Variants in ZFYVE28 observed in about 807,000 individuals in gnomAD.
The protein encoded by ZFYVE28 is zinc finger FYVE-type containing 28, also known as lateral signaling target protein 2 homolog.
ZFYVE28 carries 40 observed loss-of-function variants against 82.1 expected under a neutral mutation model. That is an observed-to-expected ratio of 0.49 (90% CI 0.38 to 0.63). The LOEUF (loss-of-function observed/expected upper bound fraction) is 0.63. Among genes scored for constraint, ZFYVE28 ranks in the 30% least tolerant of loss-of-function variants. ZFYVE28 has a pLI of 0.00. For synonymous variants in ZFYVE28, 612 were observed against 546.1 expected, an observed-to-expected ratio of 1.12 and a Z score of -1.68; for missense variants, 1,321 against 1,242.1, an observed-to-expected ratio of 1.06 and a Z score of -0.96.
chr4:2,304,475 T>C lies in ZFYVE28; in HGVS notation c.1865A>G (p.Asn622Ser), dbSNP rs1213612501. The C allele has an allele frequency of 6.2e-7, 1 of 1,613,334 alleles. No individual in the cohort carries two copies. The highest frequency in any genetic ancestry group is 1.1e-5 in the South Asian group (1 of 91,074). The change falls in exon 8 of 13, where the codon AAC becomes AGC. Residue 622 changes from asparagine (N) to serine (S), a missense_variant. This residue lies in a region of ZFYVE28 where 978 missense variants were observed against 833.7 expected (regional missense o/e 1.17). Transcript: ENST00000290974. ...AGTGGGGGCTTTGGGCTCCCGCCCG[T>C]TGGAGGCATCTTCTGAGGGTGGGGG... Reference protein sequence around the residue: ...EAPPPSEDASNGREPKAPTSD... With the variant: ...EAPPPSEDASSGREPKAPTSD...
chr4:2,342,706 T>C lies in ZFYVE28; in HGVS notation c.181-1091A>G, dbSNP rs1722996423. 2.0e-5 allele frequency: 3 copies of C among 152,378 alleles called. 1 individual carries two copies. In the Middle Eastern group the frequency reaches 0.01, roughly 518 times the overall value. 9.4% of individuals were successfully genotyped at this position (152,378 alleles called of 1,614,324 possible). A position where few individuals can be genotyped will look rare whatever the true frequency, so the allele number is the denominator to read the frequency against. Reference sequence around the variant, plus strand: ...TACATCTTAAATTGCATTCCATCCTTTTCTGTAAATTTGTCCTATTCTTTA... The same window carrying C: ...TACATCTTAAATTGCATTCCATCCTCTTCTGTAAATTTGTCCTATTCTTTA... On this transcript the variant is annotated intron_variant, in intron 2 of 12. Transcript: ENST00000290974.
chr4:2,315,355 T>C (rs1385151406), intron 7 of ZFYVE28, among the ~76,000 whole-genome samples: 1 of 152,140 alleles, frequency 6.6e-6, no homozygotes, highest in Non-Finnish European at 1.5e-5. Context: ...GCGTGATCTC[T>C]GCTCACTGCA....
At chr4:2,313,551 C>T (rs994126663) in intron 7 of ZFYVE28, among the ~76,000 whole-genome samples, 4 of 152,158 alleles carry the variant, frequency 2.6e-5, no homozygotes, top group African/African-American at 7.2e-5. Flanking sequence ...AACCACTGCA[C>T]TCAGCCTCCA....
chr4:2,367,401 C>G (rs547584038), intron 1 of ZFYVE28, among the ~76,000 whole-genome samples: 3 of 152,368 alleles, frequency 2.0e-5, no homozygotes, highest in Non-Finnish European at 4.4e-5. Context: ...GCCTCAGGCT[C>G]TGCCTGGCTG....
intron 1 of ZFYVE28, among the ~76,000 whole-genome samples, chr4:2,384,242 G>A (rs966646933): frequency 6.6e-6 from 1 of 152,336 alleles, no homozygotes; most frequent in South Asian, 2.1e-4. Flanking sequence ...CTGCACTGCT[G>A]ACAGAAGAAA....
intron 7 of ZFYVE28, among the ~76,000 whole-genome samples, chr4:2,316,988 ACTT>A (rs1718316477): frequency 1.1e-5 from 1 of 87,222 alleles, no homozygotes; most frequent in Non-Finnish European, 2.2e-5. Context: ...TGTTTCTTTA[ACTT>A]TTTTTTTTTT....
In ZFYVE28 at chr4:2,335,762, A is replaced by G; in HGVS notation, c.644T>C (p.Met215Thr). The G allele has an allele frequency of 1.3e-6, 2 of 1,570,814 alleles. No homozygotes were observed. Among genetic ancestry groups the G allele is most frequent in the Non-Finnish European group, 1.7e-6 (2 of 1,157,874 alleles). ...GAGGGCCGGCTCGTAGTCATCAATC[A>G]TGTCCTGAGTCAGGTACCCGAAGTC... Reference protein sequence around the residue: ...ALDFGYLTQDMIDDYEPALMF... With the variant: ...ALDFGYLTQDTIDDYEPALMF... The change falls in exon 6 of 13, where the codon ATG becomes ACG. Residue 215 changes from methionine (M) to threonine (T), a missense_variant. By Grantham distance (81) the Met-to-Thr change is moderately conservative (BLOSUM62 -1). Transcript: ENST00000290974. The surrounding 1 kb of genome is among the most constrained non-coding windows in gnomAD (Gnocchi z 5.8).
At chr4:2,385,985 G>A (rs1729218925) in intron 1 of ZFYVE28, among the ~76,000 whole-genome samples, 1 of 152,206 alleles carries the variant, frequency 6.6e-6, no homozygotes, top group Non-Finnish European at 1.5e-5. Flanking sequence ...GGCAGAGCCA[G>A]CACAGAATTT....
intron 1 of ZFYVE28, among the ~76,000 whole-genome samples, chr4:2,383,850 G>A (rs948558482): frequency 6.6e-6 from 1 of 152,168 alleles, no homozygotes. Context: ...TGTCGCTGGC[G>A]TGTGTTACAG....
chr4:2,388,313 GTCAC>G (rs1253606004), intron 1 of ZFYVE28, among the ~76,000 whole-genome samples: 5 of 152,166 alleles, frequency 3.3e-5, no homozygotes, highest in Non-Finnish European at 4.4e-5. Flanking sequence ...GCTCCTCAAG[GTCAC>G]TCCTAATACT....
chr4:2,381,300 TAAG>T (rs767983745), intron 1 of ZFYVE28, among the ~76,000 whole-genome samples: 2 of 152,230 alleles, frequency 1.3e-5, no homozygotes, highest in Non-Finnish European at 2.9e-5. Context: ...AAGAAATTTC[TAAG>T]AAGCAAAGCA....
chr4:2,299,145 G>A (rs911461851), intron 8 of ZFYVE28, among the ~76,000 whole-genome samples: 1 of 152,192 alleles, frequency 6.6e-6, no homozygotes, highest in Admixed American at 6.5e-5. Flanking sequence ...AGACCAGACG[G>A]AACATTTTCA....
At chr4:2,390,198 G>A (rs900074901) in intron 1 of ZFYVE28, among the ~76,000 whole-genome samples, 1 of 152,214 alleles carries the variant, frequency 6.6e-6, no homozygotes, top group Non-Finnish European at 1.5e-5. Context: ...GACAGAGCCA[G>A]CAAATGCCAA....
At chr4:2,334,691 C>T (rs1382878987) in intron 6 of ZFYVE28, among the ~76,000 whole-genome samples, 1 of 150,364 alleles carries the variant, frequency 6.7e-6, no homozygotes, top group East Asian at 2.0e-4. Context: ...GGCTCCCCAT[C>T]CCCTACTCTG....
chr4:2,348,435 C>T (rs907476958), intron 2 of ZFYVE28, among the ~76,000 whole-genome samples: 1 of 152,186 alleles, frequency 6.6e-6, no homozygotes, highest in African/African-American at 2.4e-5. Context: ...CAGAATCCTT[C>T]ACAACTCATC....
chr4:2,310,829 G>T (rs1393646727), intron 7 of ZFYVE28, among the ~76,000 whole-genome samples: 1 of 152,052 alleles, frequency 6.6e-6, no homozygotes, highest in Non-Finnish European at 1.5e-5. Flanking sequence ...GTTAGAAAAT[G>T]TCTTTTTTTC....
At chr4:2,281,491 G>A (rs1711965755) in intron 8 of ZFYVE28, among the ~76,000 whole-genome samples, 1 of 152,200 alleles carries the variant, frequency 6.6e-6, no homozygotes, top group Non-Finnish European at 1.5e-5. Context: ...GTCACCACAT[G>A]GAGGAAGGCA....
chr4:2,391,035 A>C (rs1032196090), intron 1 of ZFYVE28, among the ~76,000 whole-genome samples: 9 of 152,218 alleles, frequency 5.9e-5, no homozygotes, highest in African/African-American at 2.2e-4. Flanking sequence ...GCAGACACTC[A>C]GGCTGTCTGC....
At chr4:2,325,338 C>CCACT (rs1442680146) in intron 6 of ZFYVE28, among the ~76,000 whole-genome samples, 1 of 152,182 alleles carries the variant, frequency 6.6e-6, no homozygotes, top group African/African-American at 2.4e-5. Context: ...CTCTATTCAA[C>CCACT]CACTTTCTTC....
Sources: allele counts gnomAD v4.1 joint callset (sites outside exome capture counted in the v4.1 genomes callset), GRCh38; gene constraint gnomAD v4.1.1; regional missense constraint gnomAD v4.1.1; non-coding constraint Gnocchi (gnomAD v3.1); transcripts MANE v1.5; gene names NCBI Gene and HGNC (gene_info 2026-07-23, HGNC 2026-07-21).